ROBO1: variants seen among roughly 807,000 people sequenced by gnomAD.
ROBO1 encodes roundabout homolog 1.
ROBO1 carries 149 observed loss-of-function variants against 195.9 expected under a neutral mutation model. The ratio of observed to expected loss-of-function variants is 0.76; its 90% confidence interval spans 0.67 to 0.87. ROBO1 has a LOEUF of 0.87. Among genes scored for constraint, ROBO1 ranks in the 40% least tolerant of loss-of-function variants. ROBO1 has a pLI of 0.00. For missense variants in ROBO1, 1,933 were observed against 2,068.3 expected, an observed-to-expected ratio of 0.93 and a Z score of 1.27; for synonymous variants, 816 against 733.2, an observed-to-expected ratio of 1.11 and a Z score of -1.82.
At chr3:78,726,694 T>G (rs1164647402) in intron 5 of ROBO1, among the ~76,000 whole-genome samples, 1 of 152,150 alleles carries the variant, frequency 6.6e-6, no homozygotes, top group East Asian at 1.9e-4. Context: ...ACTACAGATG[T>G]GCCTGGCGTG....
chr3:79,457,401 G>A (rs184178454), intron 2 of ROBO1, among the ~76,000 whole-genome samples: 2 of 152,094 alleles, frequency 1.3e-5, no homozygotes, highest in East Asian at 1.9e-4. Flanking sequence ...GTGTGCGTGT[G>A]TGTGTGTGTG....
intron 5 of ROBO1, among the ~76,000 whole-genome samples, chr3:78,741,246 T>C (rs745703320): frequency 9.2e-5 from 14 of 152,162 alleles, no homozygotes; most frequent in East Asian, 1.9e-4. Context: ...TACCACCAGG[T>C]TCATTTTATA....
intron 2 of ROBO1, among the ~76,000 whole-genome samples, chr3:79,171,025 G>T (rs996145982): frequency 2.6e-5 from 4 of 151,654 alleles, no homozygotes; most frequent in Non-Finnish European, 5.9e-5. Context: ...GATATTTTGA[G>T]TTAGTTCTTA....
intron 2 of ROBO1, among the ~76,000 whole-genome samples, chr3:79,553,798 A>G (rs1250253383): frequency 3.3e-5 from 5 of 152,126 alleles, no homozygotes; most frequent in Non-Finnish European, 5.9e-5. Context: ...AATTCAGTTC[A>G]GAAACCAAGA....
intron 17 of ROBO1, among the ~76,000 whole-genome samples, chr3:78,659,190 C>T (rs1356915081): frequency 6.6e-6 from 1 of 152,110 alleles, no homozygotes; most frequent in East Asian, 1.9e-4. Context: ...CTTTTAATGC[C>T]TCAATTATCT....
chr3:79,074,731 A>G (rs1316935061), intron 3 of ROBO1, among the ~76,000 whole-genome samples: 4 of 151,654 alleles, frequency 2.6e-5, no homozygotes, highest in Non-Finnish European at 4.4e-5. Context: ...ACCTGGGAAC[A>G]TATGCTTTTT....
At chr3:79,602,567 G>A (rs1944369273) in intron 1 of ROBO1, among the ~76,000 whole-genome samples, 1 of 151,960 alleles carries the variant, frequency 6.6e-6, no homozygotes, top group South Asian at 2.1e-4. Flanking sequence ...TGATTTCAGA[G>A]CTACACAGCT....
chr3:79,033,395 T>C (rs1402479488), intron 3 of ROBO1, among the ~76,000 whole-genome samples: 1 of 152,136 alleles, frequency 6.6e-6, no homozygotes, highest in African/African-American at 2.4e-5. Flanking sequence ...TTATTTCACA[T>C]TTTTCATTCT....
At chr3:79,672,648 A>G (rs1946664723) in intron 1 of ROBO1, among the ~76,000 whole-genome samples, 1 of 151,872 alleles carries the variant, frequency 6.6e-6, no homozygotes, top group Non-Finnish European at 1.5e-5. Context: ...CATTTTATTA[A>G]TAGTTTCCGT....
At chr3:79,242,605 A>AC (rs1303012047) in intron 2 of ROBO1, among the ~76,000 whole-genome samples, 1 of 152,192 alleles carries the variant, frequency 6.6e-6, no homozygotes, top group Non-Finnish European at 1.5e-5. Context: ...GATGCTTTAA[A>AC]CTTCAACAAA....
chr3:79,375,708 T>C (rs974737392), intron 2 of ROBO1, among the ~76,000 whole-genome samples: 1 of 152,138 alleles, frequency 6.6e-6, no homozygotes, highest in African/African-American at 2.4e-5. Context: ...GACAGGTCAA[T>C]GGAATAGCAA....
intron 2 of ROBO1, among the ~76,000 whole-genome samples, chr3:79,361,148 A>G (rs949411262): frequency 6.6e-6 from 1 of 152,122 alleles, no homozygotes; most frequent in African/African-American, 2.4e-5. Context: ...ACAGAAAGAT[A>G]AATGATAGTT....
At chr3:78,933,684 T>C (rs1395835363) in intron 4 of ROBO1, among the ~76,000 whole-genome samples, 7 of 152,172 alleles carry the variant, frequency 4.6e-5, no homozygotes, top group Non-Finnish European at 8.8e-5. Context: ...TTCTGAGTGA[T>C]AGCAAAAAAG....
chr3:79,222,952 C>T (rs529252441), intron 2 of ROBO1, among the ~76,000 whole-genome samples: 1 of 152,146 alleles, frequency 6.6e-6, no homozygotes, highest in Non-Finnish European at 1.5e-5. Context: ...CAATATGTCA[C>T]AGCTATCTGT....
chr3:78,935,632 C>T (rs982475245), intron 4 of ROBO1, among the ~76,000 whole-genome samples: 1 of 151,952 alleles, frequency 6.6e-6, no homozygotes, highest in African/African-American at 2.4e-5. Context: ...AAATACAACT[C>T]GTAAGACCTT....
rs923392053 is a variant in ROBO1 at position 78,696,715 on chromosome 3, CGTATATATACAT to C, written c.1046-7955_1046-7944del. 2.8e-5 allele frequency among the ~76,000 whole-genome samples: 4 copies of C among 144,402 alleles called. No individual in the cohort carries two copies. The East Asian group carries it at 6.0e-4, about 22-fold the overall frequency. The allele number at this position is 144,402 out of a possible 152,430, so 94.7% of individuals were successfully genotyped here. A position where few individuals can be genotyped will look rare whatever the true frequency, so the allele number is the denominator to read the frequency against. The stretch of plus-strand genomic sequence containing the variant: ...ATATATATATACACATATATATACA[CGTATATATACAT>C]GTATATATACATATATATATACACA... On this transcript the variant is annotated intron_variant, in intron 8 of 30. Transcript: ENST00000464233.
At chr3:79,437,523 C>T (rs1003108460) in intron 2 of ROBO1, among the ~76,000 whole-genome samples, 1 of 108,214 alleles carries the variant, frequency 9.2e-6, no homozygotes, top group Admixed American at 1.0e-4. Flanking sequence ...TAGCCAAAAG[C>T]TGAAAACTTA....
intron 2 of ROBO1, among the ~76,000 whole-genome samples, chr3:79,171,718 C>T (rs958525562): frequency 4.6e-5 from 7 of 152,016 alleles, no homozygotes; most frequent in African/African-American, 1.7e-4. Context: ...AAAAAATCAA[C>T]TAACTTTCAT....
At chr3:79,645,909 T>C (rs867107009) in intron 1 of ROBO1, among the ~76,000 whole-genome samples, 1 of 152,114 alleles carries the variant, frequency 6.6e-6, no homozygotes, top group Admixed American at 6.6e-5. Flanking sequence ...CCCTATCTCA[T>C]ACCCTCTACA....
Sources: gnomAD v4.1 joint callset for allele counts (sites outside exome capture counted in the v4.1 genomes callset) on GRCh38, gnomAD v4.1.1 for gene constraint, MANE v1.5 for transcripts, NCBI Gene and HGNC (gene_info 2026-07-23, HGNC 2026-07-21) for gene names.